The following PSD3 variants were observed in gnomAD, a reference collection of about 807,000 sequenced individuals.
PSD3 encodes the protein PH and SEC7 domain-containing protein 3.
A neutral mutation model predicts 105.5 loss-of-function variants in PSD3; 49 were observed. The ratio of observed to expected loss-of-function variants is 0.46; its 90% CI spans 0.37 to 0.59. The LOEUF (loss-of-function observed/expected upper bound fraction) is 0.59. PSD3 is among the 20% of genes least tolerant of loss of function. The pLI is 0.00. For synonymous variants in PSD3, 557 were observed against 457.8 expected, an observed-to-expected ratio of 1.22 and a Z score of -2.77; for missense variants, 1,561 against 1,263.8, an observed-to-expected ratio of 1.24 and a Z score of -3.57.
chr8:18,774,681 G>T (rs1043507810), intron 8 of PSD3: 6 of 360,950 alleles, frequency 1.7e-5, no homozygotes, highest in African/African-American at 1.1e-4. Context: ...CAGATCTGGG[G>T]GCTAGTATTT....
chr8:18,842,906 C>G (rs7846704), intron 4 of PSD3, among the ~76,000 whole-genome samples: 23,645 of 152,054 alleles, frequency 0.16, 2,078 homozygotes, highest in Admixed American at 0.28. Context: ...TTCCCTCTTG[C>G]CAGAACACAT....
intron 10 of PSD3, among the ~76,000 whole-genome samples, chr8:18,655,174 A>G (rs1808797919): frequency 6.6e-6 from 1 of 151,668 alleles, no homozygotes; most frequent in Non-Finnish European, 1.5e-5. Context: ...ATGCAAAAAA[A>G]AAAAATTAGC....
chr8:18,621,567 G>A (rs1257451188), intron 11 of PSD3, among the ~76,000 whole-genome samples: 2 of 152,116 alleles, frequency 1.3e-5, no homozygotes, highest in African/African-American at 2.4e-5. Context: ...TGTGAATGGG[G>A]TATTTCCTAT....
At chr8:18,671,657 G>T (rs1172630179) in intron 9 of PSD3, among the ~76,000 whole-genome samples, 5 of 151,152 alleles carry the variant, frequency 3.3e-5, no homozygotes. Flanking sequence ...TTTTGAGATG[G>T]AGTCTCGCTT....
chr8:18,536,046 G>A (rs1272490695), intron 15 of PSD3, 88 bp from the exon 16 acceptor site: 1 of 1,271,794 alleles, frequency 7.9e-7, no homozygotes, highest in African/African-American at 1.5e-5. Flanking sequence ...CACCTGGAGA[G>A]TGTGAATGGC....
At chr8:18,827,461 G>A (rs1486383160) in intron 4 of PSD3, among the ~76,000 whole-genome samples, 1 of 152,206 alleles carries the variant, frequency 6.6e-6, no homozygotes, top group African/African-American at 2.4e-5. Context: ...GCTTAGGCAA[G>A]GGAGCTAGGA....
intron 11 of PSD3, among the ~76,000 whole-genome samples, chr8:18,616,016 G>A (rs1805632400): frequency 7.3e-6 from 1 of 136,060 alleles, no homozygotes; most frequent in African/African-American, 2.7e-5. Flanking sequence ...TGTTCTCCAA[G>A]GAATATAACA....
At chr8:18,850,530 A>C (rs1378443882) in intron 4 of PSD3, among the ~76,000 whole-genome samples, 2 of 152,224 alleles carry the variant, frequency 1.3e-5, no homozygotes, top group Admixed American at 6.5e-5. Flanking sequence ...CTCAGAAGTC[A>C]ACATGGCATC....
intron 1 of PSD3, among the ~76,000 whole-genome samples, chr8:18,986,798 G>A (rs976075246): frequency 6.6e-6 from 1 of 152,152 alleles, no homozygotes; most frequent in Non-Finnish European, 1.5e-5. Flanking sequence ...AGATGAGGCA[G>A]AACAAAGAGC....
intron 1 of PSD3, among the ~76,000 whole-genome samples, chr8:18,948,806 T>C (rs917907980): frequency 1.3e-5 from 2 of 152,062 alleles, no homozygotes; most frequent in Admixed American, 6.6e-5. Context: ...AAAACATAAT[T>C]TGTCACTTTG....
intron 10 of PSD3, among the ~76,000 whole-genome samples, chr8:18,648,371 T>C (rs998578098): frequency 6.6e-6 from 1 of 152,346 alleles, no homozygotes. Context: ...ATGTTTGTTA[T>C]GCGGAAGCAA....
intron 4 of PSD3, among the ~76,000 whole-genome samples, chr8:18,865,814 G>A (rs762894975): frequency 2.6e-5 from 4 of 152,070 alleles, no homozygotes; most frequent in Non-Finnish European, 5.9e-5. Flanking sequence ...TCTCAACACG[G>A]CCTGAAGAAT....
chr8:18,678,040 C>G (rs1202398278), intron 9 of PSD3, among the ~76,000 whole-genome samples: 1 of 150,138 alleles, frequency 6.7e-6, no homozygotes, highest in Non-Finnish European at 1.5e-5. Flanking sequence ...AACAAAAAAA[C>G]CCACAAAACA....
intron 6 of PSD3, among the ~76,000 whole-genome samples, 177 bp from the exon 7 acceptor site, chr8:18,801,559 T>C (rs905431305): frequency 2.0e-5 from 3 of 152,176 alleles, no homozygotes; most frequent in Non-Finnish European, 2.9e-5. Context: ...TAAATTGGTA[T>C]TAGTATTTAA....
chr8:19,029,608 T>A (rs1355563130), intron 1 of PSD3, among the ~76,000 whole-genome samples: 1 of 152,060 alleles, frequency 6.6e-6, no homozygotes, highest in African/African-American at 2.4e-5. Flanking sequence ...GAACTCAGTA[T>A]CAAGAGAACA....
At chr8:18,777,887 G>C (rs1280643379) in intron 8 of PSD3, among the ~76,000 whole-genome samples, 2 of 152,096 alleles carry the variant, frequency 1.3e-5, no homozygotes, top group Admixed American at 6.5e-5. Flanking sequence ...TCATGAGGGA[G>C]AGCATACAAT....
chr8:18,767,626 A>G (rs1807123339), intron 8 of PSD3, among the ~76,000 whole-genome samples: 1 of 152,112 alleles, frequency 6.6e-6, no homozygotes, highest in Non-Finnish European at 1.5e-5. Context: ...GGCCGCCTGT[A>G]ACTCCAGCTA....
intron 12 of PSD3, among the ~76,000 whole-genome samples, chr8:18,591,703 C>G (rs1357692470): frequency 6.6e-6 from 1 of 152,068 alleles, no homozygotes; most frequent in Non-Finnish European, 1.5e-5. Context: ...GAGTATGCAT[C>G]CAGCATTCTG....
At chr8:18,983,804 G>A (rs1246262750) in intron 1 of PSD3, among the ~76,000 whole-genome samples, 1 of 151,694 alleles carries the variant, frequency 6.6e-6, no homozygotes, top group Non-Finnish European at 1.5e-5. Flanking sequence ...CTGGAGACTA[G>A]CCAGGGCAAC....
Sources: allele counts gnomAD v4.1 joint callset (sites outside exome capture counted in the v4.1 genomes callset), GRCh38; gene constraint gnomAD v4.1.1; transcripts MANE v1.5; gene names NCBI Gene and HGNC (gene_info 2026-07-23, HGNC 2026-07-21).